Variants in RANBP17 observed in about 807,000 individuals in gnomAD.
RANBP17 encodes the protein RAN binding protein 17.
RANBP17 carries 158 observed loss-of-function variants against 141.2 expected under a neutral mutation model. That is an observed-to-expected ratio of 1.12 (90% confidence interval 0.98 to 1.28). The LOEUF (loss-of-function observed/expected upper bound fraction) is 1.28, where lower values mean the gene tolerates loss of function less well. Ranked by LOEUF, RANBP17 falls within the 50% of genes most tolerant of loss-of-function variation. The probability of loss-of-function intolerance (pLI) is 0.00; values close to 1 mark genes in which losing one functional copy is unlikely to be tolerated. For synonymous variants in RANBP17, 430 were observed against 450.0 expected, an observed-to-expected ratio of 0.96 and a Z score of 0.56; for missense variants, 1,438 against 1,290.7, an observed-to-expected ratio of 1.11 and a Z score of -1.75.
intron 16 of RANBP17, among the ~76,000 whole-genome samples, chr5:171,175,287 T>C (rs1760372962): frequency 6.6e-6 from 1 of 152,236 alleles, no homozygotes; most frequent in African/African-American, 2.4e-5. Flanking sequence ...TACAGTAGAA[T>C]GATTTATCAT....
chr5:171,254,014 G>A (rs555618172), intron 24 of RANBP17, among the ~76,000 whole-genome samples: 62 of 152,228 alleles, frequency 4.1e-4, no homozygotes, highest in African/African-American at 1.2e-3. Context: ...TTAGGAGGCC[G>A]AGGCGGGTGG....
chr5:170,967,918 T>C (rs1776703771), intron 13 of RANBP17, among the ~76,000 whole-genome samples: 1 of 151,670 alleles, frequency 6.6e-6, no homozygotes, highest in Admixed American at 6.6e-5. Context: ...ATTTTTACTG[T>C]AGTATAGGGT....
intron 14 of RANBP17, among the ~76,000 whole-genome samples, chr5:171,100,606 C>G (rs1057284349): frequency 2.6e-5 from 4 of 152,122 alleles, no homozygotes; most frequent in Non-Finnish European, 5.9e-5. Flanking sequence ...TCCTTCAGTT[C>G]TGCTCTGATC....
intron 13 of RANBP17, among the ~76,000 whole-genome samples, chr5:170,963,726 G>C (rs577579489): frequency 3.9e-5 from 6 of 152,308 alleles, no homozygotes; most frequent in Non-Finnish European, 5.9e-5. Context: ...ATGCTTGCTT[G>C]CTCATTGCCC....
intron 25 of RANBP17, among the ~76,000 whole-genome samples, chr5:171,288,417 C>T (rs1768295675): frequency 6.6e-6 from 1 of 152,202 alleles, no homozygotes; most frequent in Non-Finnish European, 1.5e-5. Context: ...ACCATCAGTC[C>T]TCCAGATGTG....
In RANBP17 at chr5:171,156,891, C is replaced by T. The variant is rs189292504; in HGVS notation, c.1711-13239C>T. On this transcript the variant is annotated intron_variant, in intron 14 of 27. Transcript: ENST00000523189. ...TTATCGAAAACAGTCTTTTTTTCTC[C>T]GGGGCATTTTTCCCTATGATCATCA... Among the ~76,000 whole-genome samples, 13 of 151,844 alleles carry T rather than the reference C, an allele frequency of 8.6e-5. No individual in the cohort carries two copies. The East Asian group carries it at 1.2e-3, about 13-fold the overall frequency.
chr5:171,103,214 C>T (rs553798178), intron 14 of RANBP17, among the ~76,000 whole-genome samples: 24 of 152,324 alleles, frequency 1.6e-4, no homozygotes, highest in African/African-American at 5.8e-4. Flanking sequence ...ACCCCTTCCC[C>T]CAGGTGCTCT....
At chr5:171,088,190 T>G (rs1244054071) in intron 14 of RANBP17, among the ~76,000 whole-genome samples, 1 of 151,916 alleles carries the variant, frequency 6.6e-6, no homozygotes, top group African/African-American at 2.4e-5. Flanking sequence ...CATTTGCTTG[T>G]CTGTAAAGTA....
intron 26 of RANBP17, among the ~76,000 whole-genome samples, chr5:171,294,945 A>C (rs879757641): frequency 6.6e-6 from 1 of 152,248 alleles, no homozygotes; most frequent in Non-Finnish European, 1.5e-5. Flanking sequence ...TCACTGCATC[A>C]TTATAAAAGG....
intron 14 of RANBP17, among the ~76,000 whole-genome samples, chr5:170,980,458 T>C (rs1398586522): frequency 6.6e-6 from 1 of 151,772 alleles, no homozygotes; most frequent in South Asian, 2.1e-4. Context: ...GAAGAAAAAA[T>C]GGTTTCATGA....
At chr5:170,953,297 A>G (rs1348455478) in intron 12 of RANBP17, among the ~76,000 whole-genome samples, 1 of 152,056 alleles carries the variant, frequency 6.6e-6, no homozygotes, top group Middle Eastern at 3.2e-3. Flanking sequence ...TGTTTTTTCC[A>G]TTTTACAAAT....
At chr5:171,096,129 T>C (rs998243645) in intron 14 of RANBP17, among the ~76,000 whole-genome samples, 1 of 152,074 alleles carries the variant, frequency 6.6e-6, no homozygotes, top group African/African-American at 2.4e-5. Flanking sequence ...GGCAGGCACA[T>C]TTGATGTAAC....
Position 171,251,980 on chromosome 5 carries a change from CTT to C in RANBP17, c.2776+9162_2776+9163del, listed in dbSNP as rs1392548956. The C allele has an allele frequency of 4.3e-6, 7 of 1,609,538 alleles. No homozygotes were observed. In the African/African-American group the frequency reaches 9.4e-5, roughly 22 times the overall value. On this transcript the variant is annotated intron_variant, in intron 24 of 27. Transcript: ENST00000523189. Reference sequence around the variant, plus strand: ...CTACTGCAATTCAGTTCTTCAAGCACTTTATTTTTGTCGTCCATTTCGGGAAA... The same window carrying C: ...CTACTGCAATTCAGTTCTTCAAGCACTATTTTTGTCGTCCATTTCGGGAAA...
chr5:170,977,962 G>C (rs10039460), intron 14 of RANBP17, among the ~76,000 whole-genome samples: 92,942 of 151,828 alleles, frequency 0.61, 29,817 homozygotes, highest in South Asian at 0.88. Context: ...AATTGTGCAC[G>C]TTAAGTGTGT....
intron 12 of RANBP17, among the ~76,000 whole-genome samples, chr5:170,927,647 A>G (rs1240229488): frequency 6.6e-6 from 1 of 151,922 alleles, no homozygotes; most frequent in Non-Finnish European, 1.5e-5. Context: ...AGAGTTGCAA[A>G]TATCTTTTTC....
chr5:170,966,222 C>G (rs945482942), intron 13 of RANBP17, among the ~76,000 whole-genome samples: 1 of 151,874 alleles, frequency 6.6e-6, no homozygotes, highest in Non-Finnish European at 1.5e-5. Flanking sequence ...ATACCAAAGC[C>G]GGGCAGAGAC....
At chr5:171,117,374 G>A (rs1246668118) in intron 14 of RANBP17, among the ~76,000 whole-genome samples, 1 of 152,074 alleles carries the variant, frequency 6.6e-6, no homozygotes, top group African/African-American at 2.4e-5. Context: ...GGGATGAAAT[G>A]ATGATATTTC....
rs141407430 is a variant in RANBP17 at position 171,172,882 on chromosome 5, T to G, written c.1865+1596T>G. ...TAATTCAAATATTATAGCCTTTTATTTTACATGCTGTTTATTGCTTTTGAG... is the reference window on the plus strand; with the variant it reads ...TAATTCAAATATTATAGCCTTTTATGTTACATGCTGTTTATTGCTTTTGAG... On this transcript the variant is annotated intron_variant, in intron 16 of 27. Coordinates refer to ENST00000523189, the MANE Select transcript of RANBP17 (RefSeq NM_022897.5). Among the ~76,000 whole-genome samples, 4 of 152,046 alleles carry G rather than the reference T, an allele frequency of 2.6e-5. 1 individual carries two copies. In the East Asian group the frequency reaches 7.7e-4, roughly 29 times the overall value.
At chr5:171,165,096 G>T (rs1015806010) in intron 14 of RANBP17, among the ~76,000 whole-genome samples, 43 of 152,304 alleles carry the variant, frequency 2.8e-4, no homozygotes, top group African/African-American at 1.0e-3. Flanking sequence ...CAGGGAAACA[G>T]CATTTGTTGA....
Sources: gnomAD v4.1 joint callset for allele counts (sites outside exome capture counted in the v4.1 genomes callset) on GRCh38, gnomAD v4.1.1 for gene constraint, MANE v1.5 for transcripts, NCBI Gene and HGNC (gene_info 2026-07-23, HGNC 2026-07-21) for gene names.